ANKH: variants seen among roughly 807,000 people sequenced by gnomAD.
ANKH encodes the protein ANKH inorganic pyrophosphate transport regulator.
Under a neutral mutation model 49.0 loss-of-function variants are expected in ANKH, and 15 were observed. The ratio of observed to expected loss-of-function variants is 0.31; its 90% CI spans 0.20 to 0.47. ANKH has a LOEUF of 0.47. Among genes scored for constraint, ANKH ranks in the 20% least tolerant of loss-of-function variants. The pLI is 1.00. For missense variants in ANKH, 429 were observed against 652.0 expected (o/e 0.66, Z 3.72); for synonymous variants, 273 against 260.0 (o/e 1.05, Z -0.48).
In ANKH at chr5:14,711,004, T is replaced by G; in HGVS notation, c.*193A>C. ...TTTACATAGCAACAGTAAAGACCAT[T>G]CACTAGGTCCCCCCGTCAGTGTGAG... On this transcript the variant is annotated 3_prime_UTR_variant, in exon 12 of 12. Transcript: ENST00000284268. 1.6e-6 allele frequency: 1 copy of G among 623,068 alleles called. No homozygotes were observed. Among genetic ancestry groups the G allele is most frequent in the Non-Finnish European group, 2.9e-6 (1 of 344,112 alleles). 38.6% of individuals were successfully genotyped at this position (623,068 alleles called of 1,614,324 possible). A position where few individuals can be genotyped will look rare whatever the true frequency, so the allele number is the denominator to read the frequency against.
intron 1 of ANKH, among the ~76,000 whole-genome samples, chr5:14,775,301 G>C (rs569777297): frequency 6.6e-6 from 1 of 151,896 alleles, no homozygotes; most frequent in Non-Finnish European, 1.5e-5. Flanking sequence ...CTGAACTCCC[G>C]GGCTCAAGTG....
chr5:14,809,259 G>A (rs1278582661), intron 1 of ANKH, among the ~76,000 whole-genome samples: 16 of 118,254 alleles, frequency 1.4e-4, no homozygotes, highest in Middle Eastern at 4.9e-3. Flanking sequence ...TGGGTGCAGC[G>A]CACCAGCATG....
chr5:14,772,128 G>C (rs915923133), intron 1 of ANKH, among the ~76,000 whole-genome samples: 5 of 152,036 alleles, frequency 3.3e-5, no homozygotes, highest in African/African-American at 9.7e-5. Flanking sequence ...GGCTGATCTA[G>C]GCTGTGGTCC....
intron 1 of ANKH, among the ~76,000 whole-genome samples, chr5:14,803,477 G>A (rs1470686661): frequency 1.3e-5 from 2 of 151,880 alleles, no homozygotes; most frequent in Non-Finnish European, 2.9e-5. Context: ...ATGGGGTTTC[G>A]CCATCTTGGC....
At chr5:14,867,391 T>G (rs1735678199) in intron 1 of ANKH, among the ~76,000 whole-genome samples, 1 of 152,170 alleles carries the variant, frequency 6.6e-6, no homozygotes, top group Non-Finnish European at 1.5e-5. Context: ...AGGCACATAC[T>G]AGGTGCTCAA....
chr5:14,816,509 G>A (rs987633836), intron 1 of ANKH, among the ~76,000 whole-genome samples: 1 of 152,074 alleles, frequency 6.6e-6, no homozygotes, highest in African/African-American at 2.4e-5. Flanking sequence ...TGATTCATTC[G>A]AACTTGTCAA....
chr5:14,758,582 T>A lies in ANKH; in HGVS notation c.330A>T (p.Gly110=). The A allele has an allele frequency of 6.2e-7, 1 of 1,612,562 alleles. No homozygotes were observed. The highest frequency in any genetic ancestry group is 8.5e-7 in the Non-Finnish European group (1 of 1,178,514). ...GGTGCAGTTTATTGATAATGTAGTA[T>A]CCTAAATCACTATAAGCTGCAAAGT... The part of the protein sequence containing the change: ...FHTLIAYSDL[G]YYIINKLHHV... The change falls in exon 3 of 12, where the codon GGA becomes GGT. Residue 110 remains glycine, a synonymous_variant. Coordinates refer to ENST00000284268, the MANE Select transcript of ANKH (RefSeq NM_054027.6).
chr5:14,798,980 T>C (rs1740481772), intron 1 of ANKH, among the ~76,000 whole-genome samples: 1 of 152,266 alleles, frequency 6.6e-6, no homozygotes, highest in Admixed American at 6.5e-5. Flanking sequence ...AGGCTTCCTC[T>C]ATCAGTTAGC....
chr5:14,793,057 T>TATATATATATATATA (rs1451315549), intron 1 of ANKH, among the ~76,000 whole-genome samples: 15 of 54,646 alleles, frequency 2.7e-4, no homozygotes, highest in African/African-American at 1.0e-3. Flanking sequence ...TAAATATATA[T>TATATATATATATATA]AAAATATATA....
intron 1 of ANKH, among the ~76,000 whole-genome samples, chr5:14,862,569 G>C (rs1373201725): frequency 6.6e-6 from 1 of 152,162 alleles, no homozygotes; most frequent in East Asian, 1.9e-4. Context: ...CATTTAGAGA[G>C]GTAAGGCAGG....
At chr5:14,726,385 G>A (rs901277735) in intron 8 of ANKH, among the ~76,000 whole-genome samples, 4 of 152,172 alleles carry the variant, frequency 2.6e-5, no homozygotes, top group African/African-American at 9.7e-5. Context: ...AGGGATGTGA[G>A]AGCCATGGCA....
chr5:14,870,095 T>G (rs1735772022), intron 1 of ANKH: 1 of 152,132 alleles, frequency 6.6e-6, no homozygotes. Flanking sequence ...CAGGGCACAG[T>G]GGCAACGGAA....
rs575248962 is a variant in ANKH at position 14,785,459 on chromosome 5, G to A, written c.97-16268C>T. ...TCACCATGTGGTTTGCCTACTCCCC[G>A]TTCACCTTCTGCCATGATTGGAAGC... is the stretch of plus-strand genomic sequence containing the variant. On this transcript the variant is annotated intron_variant, in intron 1 of 11. Transcript: ENST00000284268. Among the ~76,000 whole-genome samples the A allele has an allele frequency of 6.6e-5, 10 of 152,162 alleles. No individual in the cohort carries two copies. In the South Asian group the frequency reaches 1.7e-3, roughly 25 times the overall value.
intron 1 of ANKH, among the ~76,000 whole-genome samples, chr5:14,845,052 T>C (rs924574937): frequency 6.6e-6 from 1 of 151,618 alleles, no homozygotes; most frequent in African/African-American, 2.4e-5. Context: ...AAGGCCCTTT[T>C]CCTACAACTG....
At chr5:14,767,745 A>T (rs1739301872) in intron 2 of ANKH, among the ~76,000 whole-genome samples, 1 of 152,274 alleles carries the variant, frequency 6.6e-6, no homozygotes, top group South Asian at 2.1e-4. Flanking sequence ...TCATTTGCTT[A>T]TTTAAGGAAG....
intron 1 of ANKH, among the ~76,000 whole-genome samples, chr5:14,816,238 C>T (rs1464046074): frequency 6.6e-6 from 1 of 152,178 alleles, no homozygotes; most frequent in Non-Finnish European, 1.5e-5. Flanking sequence ...GACAGGACAC[C>T]TGAGCATCAC....
At chr5:14,769,860 T>G (rs922054138) in intron 1 of ANKH, among the ~76,000 whole-genome samples, 3 of 152,210 alleles carry the variant, frequency 2.0e-5, no homozygotes, top group African/African-American at 7.2e-5. Context: ...AAAATAAATG[T>G]TTTTGGATAA....
chr5:14,871,571 G>A lies in ANKH; in HGVS notation c.-124C>T. The A allele has an allele frequency of 2.4e-6, 1 of 414,810 alleles. No individual in the cohort carries two copies. The highest frequency in any genetic ancestry group is 3.4e-6 in the Non-Finnish European group (1 of 293,564). 25.7% of individuals were successfully genotyped at this position (414,810 alleles called of 1,614,324 possible). A position where few individuals can be genotyped will look rare whatever the true frequency, so the allele number is the denominator to read the frequency against. On this transcript the variant is annotated 5_prime_UTR_variant, in exon 1 of 12. Transcript: ENST00000284268. ...GCCGACAGAGGCCGCGGGCGGCGGG[G>A]CCTCGGGCGCGGCGGCGGCGGCTCC...
At chr5:14,755,008 G>A (rs918202385) in intron 4 of ANKH, among the ~76,000 whole-genome samples, 2 of 151,232 alleles carry the variant, frequency 1.3e-5, no homozygotes, top group Non-Finnish European at 2.9e-5. Context: ...CCTGGGTAGT[G>A]GAGGTTGCAG....
Sources: gnomAD v4.1 joint callset for allele counts (sites outside exome capture counted in the v4.1 genomes callset) on GRCh38, gnomAD v4.1.1 for gene constraint, MANE v1.5 for transcripts, NCBI Gene and HGNC (gene_info 2026-07-23, HGNC 2026-07-21) for gene names.